TPCN2: variants seen among roughly 807,000 people sequenced by gnomAD.
TPCN2 encodes the protein two pore channel protein 2.
TPCN2 carries 92 observed loss-of-function variants against 111.4 expected under a neutral mutation model. The observed-to-expected ratio is 0.83, with a 90% CI of 0.70 to 0.98. The LOEUF is 0.98. TPCN2 is among the 50% of genes least tolerant of loss of function. TPCN2 has a pLI of 0.00. For synonymous variants in TPCN2, 405 were observed against 414.5 expected, an observed-to-expected ratio of 0.98 and a Z score of 0.28; for missense variants, 995 against 980.1, an observed-to-expected ratio of 1.02 and a Z score of -0.20.
At chr11:69,079,277 A>G in intron 16 of TPCN2, 1 of 516,418 alleles carries the variant, frequency 1.9e-6, no homozygotes, top group Non-Finnish European at 3.4e-6. Context: ...CCCCAGGGGA[A>G]GCCCTGAAGG....
chr11:69,072,607 CTGTG>C lies in TPCN2; in HGVS notation c.1062-19_1062-16del. On this transcript the variant is annotated splice_polypyrimidine_tract_variant and intron_variant, in intron 11 of 24. Coordinates refer to ENST00000294309, the MANE Select transcript of TPCN2 (RefSeq NM_139075.4). ...AGCCGAGCTGGCTGTGCTCACCGGG[CTGTG>C]GGTTTTTCCCTGCAGAGTTGGGGTG... 1 of 1,613,400 alleles carries C rather than the reference CTGTG, an allele frequency of 6.2e-7. No homozygotes were observed. The highest frequency in any genetic ancestry group is 8.5e-7 in the Non-Finnish European group (1 of 1,179,666).
intron 10 of TPCN2, 111 bp from the exon 11 acceptor site, chr11:69,071,812 C>A: frequency 3.0e-6 from 3 of 1,005,412 alleles, no homozygotes; most frequent in South Asian, 1.5e-5. Context: ...CTGGGCCCCC[C>A]CCCAAGGCTG....
At chr11:69,077,159 CCACCTGCCCTCCTGCCGTGTCCCTT>C (rs1565091657) in intron 13 of TPCN2, among the ~76,000 whole-genome samples, 3 of 138,876 alleles carry the variant, frequency 2.2e-5, no homozygotes, top group African/African-American at 8.4e-5. Flanking sequence ...CCGTGTCCCT[CCACCTGCCCTCCTGCCGTGTCCCTT>C]CACCTGCCCT....
chr11:69,088,382 G>A lies in TPCN2; in HGVS notation c.*429G>A. On this transcript the variant is annotated 3_prime_UTR_variant, in exon 25 of 25. Coordinates refer to ENST00000294309, the MANE Select transcript of TPCN2 (RefSeq NM_139075.4). ...GGGCATTCAGGTGGGGATGCTGGTG[G>A]TTTGACATGGAGAGAACCTTGACTG... The A allele has an allele frequency of 5.8e-6, 1 of 173,044 alleles. No homozygotes were observed. Among genetic ancestry groups the A allele is most frequent in the Non-Finnish European group, 1.2e-5 (1 of 80,684 alleles). 10.7% of individuals were successfully genotyped at this position (173,044 alleles called of 1,614,324 possible). A position where few individuals can be genotyped will look rare whatever the true frequency, so the allele number is the denominator to read the frequency against.
At chr11:69,064,004 G>T (rs770043864) in intron 7 of TPCN2, 37 bp downstream of exon 7, 1 of 1,596,018 alleles carries the variant, frequency 6.3e-7, no homozygotes, top group South Asian at 1.1e-5. Flanking sequence ...GAATGGGGCT[G>T]CCCTGTGCTG....
At chr11:69,052,473 C>T (rs1432355252) in intron 1 of TPCN2, among the ~76,000 whole-genome samples, 2 of 152,156 alleles carry the variant, frequency 1.3e-5, no homozygotes, top group African/African-American at 4.8e-5. Context: ...ACAGTAGCCA[C>T]TTTCAGAGCT....
intron 7 of TPCN2, among the ~76,000 whole-genome samples, chr11:69,065,295 A>G (rs1855222283): frequency 6.6e-6 from 1 of 152,188 alleles, no homozygotes; most frequent in Non-Finnish European, 1.5e-5. Context: ...AGCCTGTACC[A>G]GGTGGATGGC....
chr11:69,064,507 G>A (rs1339044390), intron 7 of TPCN2, among the ~76,000 whole-genome samples: 1 of 152,144 alleles, frequency 6.6e-6, no homozygotes, highest in Non-Finnish European at 1.5e-5. Context: ...CCTCCTCTGC[G>A]GCTGCCCCGG....
intron 13 of TPCN2, among the ~76,000 whole-genome samples, chr11:69,077,319 ACCTGCCCTCCTGCTG>A (rs1258972024): frequency 1.4e-4 from 7 of 51,384 alleles, no homozygotes; most frequent in Non-Finnish European, 1.8e-4. Flanking sequence ...GTGTCCCTCC[ACCTGCCCTCCTGCTG>A]TGTCCCTTCA....
In TPCN2 at chr11:69,074,421, T is replaced by C. The variant is rs199827664; in HGVS notation, c.1230+1420T>C. On this transcript the variant is annotated intron_variant, in intron 13 of 24. Coordinates refer to ENST00000294309, the MANE Select transcript of TPCN2 (RefSeq NM_139075.4). Reference sequence around the variant, plus strand: ...CTCTGTTTGGGACAAGGCTGGGCAATGCGTTATCAACTTAAGGTTGACTTG... The same window carrying C: ...CTCTGTTTGGGACAAGGCTGGGCAACGCGTTATCAACTTAAGGTTGACTTG... Among the ~76,000 whole-genome samples the C allele has an allele frequency of 2.6e-5, 4 of 152,332 alleles. No homozygotes were observed. The East Asian group carries it at 7.7e-4, about 29-fold the overall frequency.
In TPCN2 at chr11:69,055,276, G is replaced by A; in HGVS notation, c.353G>A (p.Trp118Ter). 1 of 1,614,012 alleles carries A rather than the reference G, an allele frequency of 6.2e-7. No individual in the cohort carries two copies. Among genetic ancestry groups the A allele is most frequent in the African/African-American group, 1.3e-5 (1 of 75,068 alleles). The change falls in exon 4 of 25, where the codon TGG becomes TAG. Residue 118 changes from tryptophan (W) to a stop codon, truncating the protein, a stop_gained. Transcript: ENST00000294309. LOFTEE classifies it high-confidence loss of function. Reference protein sequence around the residue: ...TADVRYRAAPWEPPCGLTESV... With the variant: ...TADVRYRAAP ...GACGTGCGCTACCGCGCTGCTCCCTGGGAGCCGCCCTGCGGCCTGACCGAG... is the reference window on the plus strand; with the variant it reads ...GACGTGCGCTACCGCGCTGCTCCCTAGGAGCCGCCCTGCGGCCTGACCGAG...
chr11:69,070,648 C>T (rs1297913791), intron 9 of TPCN2, among the ~76,000 whole-genome samples, 153 bp downstream of exon 9: 1 of 151,116 alleles, frequency 6.6e-6, no homozygotes, highest in East Asian at 2.0e-4. Flanking sequence ...CTTTTAACCC[C>T]AGAGATCCCC....
chr11:69,085,512 G>T (rs1856233779), intron 20 of TPCN2, among the ~76,000 whole-genome samples, 159 bp from the exon 21 acceptor site: 1 of 151,934 alleles, frequency 6.6e-6, no homozygotes, highest in South Asian at 2.1e-4. Context: ...ATTTCTCGTG[G>T]CCTGCTCAGA....
At chr11:69,079,598 A>G (rs1268150653) in intron 16 of TPCN2, 1 of 504,478 alleles carries the variant, frequency 2.0e-6, no homozygotes, top group Non-Finnish European at 3.5e-6. Context: ...CTTCTCTGCC[A>G]CCTCTGCCAC....
chr11:69,057,257 T>C (rs1590708174), intron 4 of TPCN2, among the ~76,000 whole-genome samples: 1 of 152,238 alleles, frequency 6.6e-6, no homozygotes, highest in East Asian at 1.9e-4. Context: ...TTTTCTAGCC[T>C]TTTCCAGAGT....
Position 69,088,440 on chromosome 11 carries a change from A to T in TPCN2, c.*487A>T, listed in dbSNP as rs1257917562. 6.3e-6 allele frequency: 1 copy of T among 158,260 alleles called. No individual in the cohort carries two copies. Among genetic ancestry groups the T allele is most frequent in the Admixed American group, 6.1e-5 (1 of 16,434 alleles). 9.8% of individuals were successfully genotyped at this position (158,260 alleles called of 1,614,324 possible). A position where few individuals can be genotyped will look rare whatever the true frequency, so the allele number is the denominator to read the frequency against. On this transcript the variant is annotated 3_prime_UTR_variant, in exon 25 of 25. Coordinates refer to ENST00000294309, the MANE Select transcript of TPCN2 (RefSeq NM_139075.4). The stretch of plus-strand genomic sequence containing the variant: ...TTATTTCATGGCTTGTATGAGTGTG[A>T]CTGGGTGTGTTTCTTTAGGGTTCTG...
chr11:69,054,594 C>G, intron 2 of TPCN2, 127 bp from the exon 3 acceptor site: 1 of 876,986 alleles, frequency 1.1e-6, no homozygotes, highest in Non-Finnish European at 1.8e-6. Flanking sequence ...GCCATGTCCA[C>G]ACGCTGAAGC....
chr11:69,061,113 T>G (rs112100780), intron 5 of TPCN2, among the ~76,000 whole-genome samples: 4 of 151,994 alleles, frequency 2.6e-5, no homozygotes, highest in African/African-American at 9.6e-5. Flanking sequence ...CCTTCTGGAG[T>G]GAGAGAGAGA....
intron 5 of TPCN2, among the ~76,000 whole-genome samples, chr11:69,058,539 G>A (rs1465045014): frequency 6.6e-6 from 1 of 152,216 alleles, no homozygotes; most frequent in Non-Finnish European, 1.5e-5. Flanking sequence ...GGGGCTGGAA[G>A]CTCCAGGTGC....
Sources: allele counts gnomAD v4.1 joint callset (sites outside exome capture counted in the v4.1 genomes callset), GRCh38; gene constraint gnomAD v4.1.1; transcripts MANE v1.5; gene names NCBI Gene and HGNC (gene_info 2026-07-23, HGNC 2026-07-21).